The following LAMB2 variants were observed in gnomAD, a reference collection of about 807,000 sequenced individuals.
LAMB2 encodes the protein laminin subunit beta 2.
LAMB2 carries 119 observed loss-of-function variants against 202.7 expected under a neutral mutation model. The observed-to-expected ratio is 0.59, with a 90% CI of 0.51 to 0.68. LAMB2 has a LOEUF of 0.68. LAMB2 is among the 30% of genes least tolerant of loss of function. The pLI is 0.00. For synonymous variants in LAMB2, 818 were observed against 902.2 expected, an observed-to-expected ratio of 0.91 and a Z score of 1.67; for missense variants, 2,124 against 2,410.6, an observed-to-expected ratio of 0.88 and a Z score of 2.49.
intron 18 of LAMB2, 69 bp downstream of exon 18, chr3:49,125,678 G>C (rs1253689683): frequency 1.1e-5 from 18 of 1,584,740 alleles, no homozygotes; most frequent in Non-Finnish European, 1.5e-5. Context: ...AGCAGGTCCA[G>C]AAGGAGGAGA....
Position 49,121,700 on chromosome 3 carries a change from G to T in LAMB2, c.5084C>A (p.Ala1695Asp), listed in dbSNP as rs1225112797. 1.2e-6 allele frequency: 2 copies of T among 1,614,026 alleles called. No homozygotes were observed. Among genetic ancestry groups the T allele is most frequent in the South Asian group, 1.1e-5 (1 of 91,084 alleles). ...EETAGSAQGR[A>D]QEAEQLLRGP... ...TCAACCCACCTGCTCAGCCTCCTGG[G>T]CACGACCCTGGGCACTGCCTGCCGT... The change falls in exon 30 of 32, where the codon GCC (alanine) becomes GAC (aspartate). Residue 1695 changes from alanine (A) to aspartate (D), a missense_variant. By Grantham distance (126) the Ala-to-Asp change is moderately radical. Coordinates refer to ENST00000305544, the MANE Select transcript of LAMB2 (RefSeq NM_002292.4).
At chr3:49,127,001 A>G (rs552683089) in intron 15 of LAMB2, among the ~76,000 whole-genome samples, 2 of 151,778 alleles carry the variant, frequency 1.3e-5, no homozygotes, top group South Asian at 4.2e-4. Context: ...TTATTTGTTT[A>G]TTTGAGATGC....
rs776225413 is a variant in LAMB2 at position 49,125,108 on chromosome 3, G to A, written c.2782C>T (p.Pro928Ser). 2 of 1,613,748 alleles carry A rather than the reference G, an allele frequency of 1.2e-6. No individual in the cohort carries two copies. The highest frequency in any genetic ancestry group is 1.3e-5 in the African/African-American group (1 of 75,062). Residue 928 changes from proline to serine, a missense_variant, in exon 20 of 32, where the codon CCC (proline) becomes TCC (serine). Around this residue, in one of 3 missense-constraint regions of LAMB2, gnomAD observed 1,702 missense variants for 1,896.3 expected, o/e 0.90. Transcript: ENST00000305544. The part of the protein sequence containing the change: ...LPYGGQCRPC[P>S]CPEGPGSQRH... ...TGGCTCCCAGGGCCTTCAGGACAGG[G>A]ACAGGGCCGGCACTGGCCCCCATAT...
In LAMB2 at chr3:49,129,160, G is replaced by C. The variant is rs1442067204; in HGVS notation, c.1599-8C>G. ...CCTGTGCCCTCATCACACCTGGAGG[G>C]AACTCTGTGGTTACTCAAGAAGAAC... On this transcript the variant is annotated splice_polypyrimidine_tract_variant and splice_region_variant and intron_variant, in intron 12 of 31. Transcript: ENST00000305544. The surrounding 1 kb of genome is among the most constrained non-coding windows in gnomAD (Gnocchi z 6.1). 2.5e-6 allele frequency: 4 copies of C among 1,613,982 alleles called. No individual in the cohort carries two copies. The African/African-American group carries it at 5.3e-5, about 22-fold the overall frequency.
In LAMB2 at chr3:49,125,310, G is replaced by A. The variant is rs1399272249; in HGVS notation, c.2663C>T (p.Thr888Ile). The change falls in exon 19 of 32, where the codon ACC (threonine) becomes ATC (isoleucine). Residue 888 changes from threonine to isoleucine, a missense_variant. By Grantham distance (89) the Thr-to-Ile change is moderately conservative. Coordinates refer to ENST00000305544, the MANE Select transcript of LAMB2 (RefSeq NM_002292.4). ...GCAGCCCAGGCAAGCGCCTGTGTGGGTGTTGCACTCATCTGCATGCCCATT... is the reference window on the plus strand; with the variant it reads ...GCAGCCCAGGCAAGCGCCTGTGTGGATGTTGCACTCATCTGCATGCCCATT... ...VCNGHADECN[T>I]HTGACLGCRD... is the part of the protein sequence containing the mutation. The A allele has an allele frequency of 3.7e-6, 6 of 1,613,990 alleles. No homozygotes were observed. The highest frequency in any genetic ancestry group is 1.7e-5 in the Admixed American group (1 of 60,030).
In LAMB2 at chr3:49,130,989, A is replaced by G. The variant is rs764168699; in HGVS notation, c.876T>C (p.Cys292=). 2.5e-6 allele frequency: 4 copies of G among 1,613,904 alleles called. No individual in the cohort carries two copies. The African/African-American group carries it at 5.3e-5, about 22-fold the overall frequency. The change falls in exon 7 of 32, where the codon TGT becomes TGC. Residue 292 remains cysteine, a synonymous_variant. Coordinates refer to ENST00000305544, the MANE Select transcript of LAMB2 (RefSeq NM_002292.4). The surrounding 1 kb of genome is among the most constrained non-coding windows in gnomAD (Gnocchi z 5.0). ...GGGCTGGTGCCCCTGGGGCGGGTGC[A>G]CACTCTGAGGCGTGTCCGTAGCAGA... is the stretch of plus-strand genomic sequence containing the variant. The part of the protein sequence containing the change: ...NCFCYGHASE[C]APAPGAPAHA...
chr3:49,132,530 C>T lies in LAMB2; in HGVS notation c.210G>A (p.Leu70=), dbSNP rs1575537671. Residue 70 remains leucine, a synonymous_variant, in exon 2 of 32, where the codon CTG becomes CTA. Coordinates refer to ENST00000305544, the MANE Select transcript of LAMB2 (RefSeq NM_002292.4). This position sits in a 1 kb window ranked among gnomAD's most constrained non-coding sequence, Gnocchi z 4.6. ...CGATGCAGTAGGGCTGGGGGCCATT[C>T]AGGCCACAAGTGGATGAGGCAGTCA... ...DRLTASSTCG[L]NGPQPYCIVS... 1.2e-6 allele frequency: 2 copies of T among 1,613,736 alleles called. No individual in the cohort carries two copies. The highest frequency in any genetic ancestry group is 2.7e-5 in the African/African-American group (2 of 75,064).
intron 27 of LAMB2, 108 bp downstream of exon 27, chr3:49,122,596 A>G: frequency 9.5e-7 from 1 of 1,048,890 alleles, no homozygotes; most frequent in Non-Finnish European, 1.5e-6. Flanking sequence ...GATCATAAAC[A>G]CTAATCCAGT....
In LAMB2 at chr3:49,130,524, A is replaced by T; in HGVS notation, c.1037-105T>A. 2 of 1,428,178 alleles carry T rather than the reference A, an allele frequency of 1.4e-6. No individual in the cohort carries two copies. Among genetic ancestry groups the T allele is most frequent in the Non-Finnish European group, 2.0e-6 (2 of 1,017,312 alleles). The allele number at this position is 1,428,178 out of a possible 1,614,324, so 88.5% of individuals were successfully genotyped here. On this transcript the variant is annotated intron_variant, in intron 8 of 31. Transcript: ENST00000305544. The surrounding 1 kb of genome is among the most constrained non-coding windows in gnomAD (Gnocchi z 5.0). ...CTATCACAGGCCAGAATTTGTGGGT[A>T]GGGGCTCAGGGACTTCAAGGCCTCA...
rs1486291490 is a variant in LAMB2, at chr3:49,121,323, T to C, written c.5300A>G (p.Glu1767Gly). The change falls in exon 32 of 32, where the codon GAG becomes GGG. Residue 1767 changes from glutamate to glycine, a missense_variant. By Grantham distance (98) the Glu-to-Gly change is moderately conservative. Transcript: ENST00000305544. ...CCCGTCCAACTGGGCTGCCTTACTCTCCAGTGCCCGCTCATTTTCCTCATA... is the reference window on the plus strand; with the variant it reads ...CCCGTCCAACTGGGCTGCCTTACTCCCCAGTGCCCGCTCATTTTCCTCATA... ...GTYEENERAL[E>G]SKAAQLDGLE... 6.2e-7 allele frequency: 1 copy of C among 1,613,776 alleles called. No individual in the cohort carries two copies. The highest frequency in any genetic ancestry group is 1.3e-5 in the African/African-American group (1 of 74,910).
At chr3:49,121,906 C>T (rs372783198) in intron 29 of LAMB2, 38 bp downstream of exon 29, 2 of 1,613,738 alleles carry the variant, frequency 1.2e-6, no homozygotes, top group African/African-American at 2.7e-5. Context: ...GGTTCATGCC[C>T]ATAACCTTGT....
chr3:49,125,890 G>C lies in LAMB2; in HGVS notation c.2345C>G (p.Pro782Arg). 1 of 1,614,180 alleles carries C rather than the reference G, an allele frequency of 6.2e-7. No homozygotes were observed. Among genetic ancestry groups the C allele is most frequent in the Non-Finnish European group, 8.5e-7 (1 of 1,180,022 alleles). The change falls in exon 18 of 32, where the codon CCA (proline) becomes CGA (arginine). Residue 782 changes from proline (P) to arginine (R), a missense_variant and splice_region_variant. This residue lies in a region of LAMB2 where 1,702 missense variants were observed against 1,896.3 expected (regional missense o/e 0.90). Transcript: ENST00000305544. Reference protein sequence around the residue: ...LSTLIYNGALPCQCNPQGSLS... With the variant: ...LSTLIYNGALRCQCNPQGSLS... ...TGAACCTTGAGGGTTGCACTGACATGCTGTGGGGAGGAGGGTTGGGCCAAG... is the reference window on the plus strand; with the variant it reads ...TGAACCTTGAGGGTTGCACTGACATCCTGTGGGGAGGAGGGTTGGGCCAAG...
chr3:49,126,437 C>T lies in LAMB2; in HGVS notation c.2079G>A (p.Leu693=), dbSNP rs1179994104. 1 of 1,614,228 alleles carries T rather than the reference C, an allele frequency of 6.2e-7. No homozygotes were observed. The highest frequency in any genetic ancestry group is 8.5e-7 in the Non-Finnish European group (1 of 1,180,036). The part of the protein sequence containing the change: ...LEPGISYKLH[L]KLVRTGGSAQ... ...CACTTCCCCCTGTCCGTACCAGCTT[C>T]AGATGCAGCTTGTAGGAGATACCAG... The change falls in exon 16 of 32, where the codon CTG becomes CTA. Residue 693 remains leucine, a synonymous_variant. Coordinates refer to ENST00000305544, the MANE Select transcript of LAMB2 (RefSeq NM_002292.4).
In LAMB2 at chr3:49,132,860, A is replaced by G. The variant is rs373955878; in HGVS notation, c.8T>C (p.Leu3Pro). The G allele has an allele frequency of 9.4e-5, 152 of 1,613,886 alleles. No individual in the cohort carries two copies. The highest frequency in any genetic ancestry group is 1.3e-4 in the Non-Finnish European group (148 of 1,179,968). ...TCCCCTCCCTCTTTCCCTTGAGGTC[A>G]GCTCCATCCTGAAGAGGGGAACAGG... ME[L>P]TSRERGRGQP... Residue 3 changes from leucine to proline, a missense_variant, in exon 1 of 32, where the codon CTG becomes CCG. Physicochemically the swap from Leu to Pro is moderately conservative, Grantham distance 98. This residue lies in a region of LAMB2 where 166 missense variants were observed against 158.2 expected (regional missense o/e 1.05). Coordinates refer to ENST00000305544, the MANE Select transcript of LAMB2 (RefSeq NM_002292.4). This position sits in a 1 kb window ranked among gnomAD's most constrained non-coding sequence, Gnocchi z 4.6.
rs2045461342 is a variant in LAMB2, at chr3:49,129,771, C to T, written c.1406-55G>A. On this transcript the variant is annotated intron_variant, in intron 10 of 31. Coordinates refer to ENST00000305544, the MANE Select transcript of LAMB2 (RefSeq NM_002292.4). The surrounding 1 kb of genome is among the most constrained non-coding windows in gnomAD (Gnocchi z 6.1). ...GGGAAACTGTGGCAGTGCTCATGTTCAGCTGAGTCAGGAGTAAGAGGACAG... is the reference window on the plus strand; with the variant it reads ...GGGAAACTGTGGCAGTGCTCATGTTTAGCTGAGTCAGGAGTAAGAGGACAG... The T allele has an allele frequency of 1.9e-6, 3 of 1,609,288 alleles. No homozygotes were observed. The highest frequency in any genetic ancestry group is 2.6e-6 in the Non-Finnish European group (3 of 1,175,850).
Position 49,124,506 on chromosome 3 carries a change from C to T in LAMB2, c.3216G>A (p.Gln1072=). The T allele has an allele frequency of 6.2e-7, 1 of 1,613,810 alleles. No individual in the cohort carries two copies. Among genetic ancestry groups the T allele is most frequent in the Non-Finnish European group, 8.5e-7 (1 of 1,180,034 alleles). The stretch of plus-strand genomic sequence containing the variant: ...GGGCACAGCGGTCACAGCTAGGGCC[C>T]TGGACATTGGGGAGGCATGGGCACT... The part of the protein sequence containing the change: ...SGQCPCLPNV[Q]GPSCDRCAPN... Residue 1072 remains glutamine (Q), a synonymous_variant, in exon 22 of 32, where the codon CAG becomes CAA. Coordinates refer to ENST00000305544, the MANE Select transcript of LAMB2 (RefSeq NM_002292.4).
rs776150106 is a variant in LAMB2, at chr3:49,123,456, T to C, written c.3973A>G (p.Asn1325Asp). Residue 1325 changes from asparagine (N) to aspartate (D), a missense_variant, in exon 25 of 32, where the codon AAC becomes GAC. Transcript: ENST00000305544. Reference protein sequence around the residue: ...DQHLDLLKHSNFLGAYDSIRH... With the variant: ...DQHLDLLKHSDFLGAYDSIRH... Reference sequence around the variant, plus strand: ...TTGGCTAACAACTCACCCAGGAAGTTTGAATGTTTGAGCAAGTCAAGATGC... The same window carrying C: ...TTGGCTAACAACTCACCCAGGAAGTCTGAATGTTTGAGCAAGTCAAGATGC... 5.6e-6 allele frequency: 9 copies of C among 1,613,958 alleles called. No homozygotes were observed. The East Asian group carries it at 6.7e-5, about 12-fold the overall frequency.
In LAMB2 at chr3:49,126,033, A is replaced by C; in HGVS notation, c.2278T>G (p.Ser760Ala). 1 of 1,614,084 alleles carries C rather than the reference A, an allele frequency of 6.2e-7. No homozygotes were observed. Among genetic ancestry groups the C allele is most frequent in the Non-Finnish European group, 8.5e-7 (1 of 1,180,000 alleles). ...AGGGGTGCGCAGGCCTCAGAGGGAG[A>C]AGTCTTGCTGGGCACCAGACCCTCC... ...HEEGLVPSKT[S>A]PSEACAPLLI... is the part of the protein sequence containing the mutation. Residue 760 changes from serine to alanine, a missense_variant, in exon 17 of 32, where the codon TCT (serine) becomes GCT (alanine). Ser to Ala is a moderately conservative substitution (Grantham distance 99, BLOSUM62 1). Around this residue, in one of 3 missense-constraint regions of LAMB2, gnomAD observed 1,702 missense variants for 1,896.3 expected, o/e 0.90. Coordinates refer to ENST00000305544, the MANE Select transcript of LAMB2 (RefSeq NM_002292.4).
Position 49,121,234 on chromosome 3 carries a change from A to G in LAMB2, c.5389T>C (p.Cys1797Arg), listed in dbSNP as rs1375993241. 2.5e-6 allele frequency: 4 copies of G among 1,612,238 alleles called. No individual in the cohort carries two copies. The highest frequency in any genetic ancestry group is 3.4e-6 in the Non-Finnish European group (4 of 1,180,022). Residue 1797 changes from cysteine to arginine, a missense_variant, in exon 32 of 32, where the codon TGC becomes CGC. Cys to Arg is a radical substitution (Grantham distance 180). Transcript: ENST00000305544. ...INLQVQIYNT[C>R]Q is the part of the protein sequence containing the mutation. ...TAGGCCTTGGGCAGGGGTCACTGGC[A>G]GGTGTTGTAGATCTGCACCTGCAAG...
Sources: gnomAD v4.1 joint callset for allele counts (sites outside exome capture counted in the v4.1 genomes callset) on GRCh38, gnomAD v4.1.1 for gene constraint, gnomAD v4.1.1 regional missense constraint, Gnocchi (gnomAD v3.1) non-coding constraint, MANE v1.5 for transcripts, NCBI Gene and HGNC (gene_info 2026-07-23, HGNC 2026-07-21) for gene names.